The following WASF3 variants were observed in gnomAD, a reference collection of about 807,000 sequenced individuals.
WASF3 encodes actin-binding protein WASF3.
A neutral mutation model predicts 46.6 loss-of-function variants in WASF3; 11 were observed. The ratio of observed to expected loss-of-function variants is 0.24; its 90% CI spans 0.15 to 0.39. The LOEUF (loss-of-function observed/expected upper bound fraction) is 0.39, where lower values mean the gene tolerates loss of function less well. Among genes scored for constraint, WASF3 ranks in the 10% least tolerant of loss-of-function variants. WASF3 has a pLI of 1.00. For synonymous variants in WASF3, 242 were observed against 259.7 expected (o/e 0.93, Z 0.65); for missense variants, 576 against 669.8 (o/e 0.86, Z 1.55).
rs745870998 is a variant in WASF3, at chr13:26,667,555, A to C, written c.307A>C (p.Ser103Arg). The change falls in exon 5 of 10, where the codon AGT becomes CGT. Residue 103 changes from serine to arginine, a missense_variant. Transcript: ENST00000335327. Reference sequence around the variant, plus strand: ...TATCAACATGAAAAAAGCTTTCAAAAGTTCCACAGTCCAAGACCAGCAAGT... The same window carrying C: ...TATCAACATGAAAAAAGCTTTCAAACGTTCCACAGTCCAAGACCAGCAAGT... ...QDINMKKAFK[S>R]STVQDQQVVS... The C allele has an allele frequency of 1.2e-6, 2 of 1,614,138 alleles. No individual in the cohort carries two copies. Among genetic ancestry groups the C allele is most frequent in the Non-Finnish European group, 1.7e-6 (2 of 1,180,014 alleles).
intron 1 of WASF3, among the ~76,000 whole-genome samples, chr13:26,569,553 A>C (rs1021775393): frequency 6.6e-6 from 1 of 152,204 alleles, no homozygotes; most frequent in African/African-American, 2.4e-5. Context: ...TGTGAGGTGC[A>C]GCTAAAGTCA....
chr13:26,559,817 T>TCTTTCTTTC (rs770030483), intron 1 of WASF3, among the ~76,000 whole-genome samples: 51 of 102,904 alleles, frequency 5.0e-4, no homozygotes, highest in South Asian at 1.2e-3. Context: ...TCTTTTTTTT[T>TCTTTCTTTC]TTTTTTTTTT....
the WASF3 span, among the ~76,000 whole-genome samples, chr13:26,551,272 T>C: frequency 6.3e-3 from 965 of 152,332 alleles, 15 homozygotes; most frequent in African/African-American, 0.022. Flanking sequence ...CATGAATTAC[T>C]GAGTCTCAGG....
chr13:26,574,029 C>G (rs1431545355), intron 1 of WASF3, among the ~76,000 whole-genome samples: 1 of 152,150 alleles, frequency 6.6e-6, no homozygotes, highest in African/African-American at 2.4e-5. Context: ...GTCCACCTCT[C>G]CTTACAGTAT....
intron 2 of WASF3, among the ~76,000 whole-genome samples, chr13:26,615,762 C>T (rs867269020): frequency 1.3e-5 from 2 of 152,118 alleles, no homozygotes; most frequent in African/African-American, 2.4e-5. Flanking sequence ...TCCTCATGGC[C>T]CTTGGTCATT....
chr13:26,597,191 GGT>G (rs1566045981), intron 1 of WASF3, among the ~76,000 whole-genome samples: 5 of 152,160 alleles, frequency 3.3e-5, no homozygotes, highest in Admixed American at 6.5e-5. Flanking sequence ...GGAGTGCAGT[GGT>G]GCAATCTCAT....
At chr13:26,543,996 G>T in the WASF3 span, among the ~76,000 whole-genome samples, 1 of 152,154 alleles carries the variant, frequency 6.6e-6, no homozygotes, top group African/African-American at 2.4e-5. Flanking sequence ...ATCTGGGGGT[G>T]GATGGATGGA....
upstream of WASF3, among the ~76,000 whole-genome samples, chr13:26,552,972 T>A (rs148909218): frequency 1.7e-3 from 254 of 152,354 alleles, 2 homozygotes; most frequent in African/African-American, 5.8e-3. Context: ...CTAAGCTGCC[T>A]ACATTTTGAC....
At chr13:26,616,956 C>G (rs1177896507) in intron 2 of WASF3, among the ~76,000 whole-genome samples, 2 of 152,160 alleles carry the variant, frequency 1.3e-5, no homozygotes, top group Non-Finnish European at 2.9e-5. Context: ...CGACAATTCA[C>G]CAACATCCCT....
intron 1 of WASF3, among the ~76,000 whole-genome samples, chr13:26,565,470 G>A (rs1359635022): frequency 6.6e-6 from 1 of 152,114 alleles, no homozygotes; most frequent in Non-Finnish European, 1.5e-5. Flanking sequence ...GAACACGTCT[G>A]TTTTCAATAT....
At chr13:26,599,179 CA>C (rs1287370072) in intron 1 of WASF3, among the ~76,000 whole-genome samples, 7 of 81,828 alleles carry the variant, frequency 8.6e-5, no homozygotes, top group African/African-American at 2.4e-4. Context: ...CTCTTCTTTT[CA>C]TTTCTTTTTT....
In WASF3 at chr13:26,656,148, A is replaced by G. The variant is rs546056314; in HGVS notation, c.134-8880A>G. Among the ~76,000 whole-genome samples, 9 of 152,324 alleles carry G rather than the reference A, an allele frequency of 5.9e-5. 1 individual carries two copies. The East Asian group carries it at 1.5e-3, about 26-fold the overall frequency. ...TTCCAGTAAATCTTTACTTTTAAAT[A>G]CAGCTGAAAATCCACGTACAGTTTT... On this transcript the variant is annotated intron_variant, in intron 3 of 9. Transcript: ENST00000335327.
chr13:26,628,970 C>T (rs555726379), intron 2 of WASF3, among the ~76,000 whole-genome samples: 19 of 152,320 alleles, frequency 1.2e-4, no homozygotes, highest in African/African-American at 4.3e-4. Flanking sequence ...GAGTGTCTGG[C>T]AAGCTTGTGC....
At chr13:26,569,156 A>G (rs539649557) in intron 1 of WASF3, among the ~76,000 whole-genome samples, 7 of 152,216 alleles carry the variant, frequency 4.6e-5, no homozygotes, top group Non-Finnish European at 1.0e-4. Context: ...AAGTAGGGAG[A>G]GAAAATAAAA....
At chr13:26,547,885 G>T in the WASF3 span, among the ~76,000 whole-genome samples, 1 of 152,162 alleles carries the variant, frequency 6.6e-6, no homozygotes, top group Non-Finnish European at 1.5e-5. Context: ...CATTTTAGGG[G>T]CATGGGCCTG....
At chr13:26,619,057 G>A (rs1005874346) in intron 2 of WASF3, 2 of 152,120 alleles carry the variant, frequency 1.3e-5, no homozygotes, top group Non-Finnish European at 2.9e-5. Context: ...TCATTTCTGT[G>A]GGTTTGAAAC....
intron 1 of WASF3, among the ~76,000 whole-genome samples, chr13:26,580,110 G>C (rs1484871642): frequency 1.3e-5 from 2 of 152,034 alleles, no homozygotes; most frequent in Non-Finnish European, 2.9e-5. Flanking sequence ...TGTGGCCCAG[G>C]GAAGCCAAAA....
intron 2 of WASF3, among the ~76,000 whole-genome samples, chr13:26,622,406 C>T (rs531890522): frequency 2.6e-5 from 4 of 152,330 alleles, no homozygotes; most frequent in African/African-American, 9.6e-5. Context: ...TGTTACTCTA[C>T]ATCCCATGAA....
chr13:26,565,113 G>T (rs1172831528), intron 1 of WASF3, among the ~76,000 whole-genome samples: 4 of 151,090 alleles, frequency 2.6e-5, no homozygotes, highest in Non-Finnish European at 5.9e-5. Context: ...CCGGGAGGTG[G>T]TGGCTGCAGT....
Sources: gnomAD v4.1 joint callset for allele counts (sites outside exome capture counted in the v4.1 genomes callset) on GRCh38, gnomAD v4.1.1 for gene constraint, MANE v1.5 for transcripts, NCBI Gene and HGNC (gene_info 2026-07-23, HGNC 2026-07-21) for gene names.